NPNT: variants seen among roughly 807,000 people sequenced by gnomAD.
The protein encoded by NPNT is preosteoblast EGF-like repeat protein with MAM domain.
NPNT carries 45 observed loss-of-function variants against 68.6 expected under a neutral mutation model. The observed-to-expected ratio is 0.66, with a 90% CI of 0.52 to 0.84. The LOEUF (loss-of-function observed/expected upper bound fraction) is 0.84. Among genes scored for constraint, NPNT ranks in the 40% least tolerant of loss-of-function variants. The pLI, the probability that NPNT is intolerant of heterozygous loss-of-function variation, is 0.00. For synonymous variants in NPNT, 233 were observed against 253.3 expected (o/e 0.92, Z 0.76); for missense variants, 672 against 714.8 (o/e 0.94, Z 0.68).
chr4:105,914,373 C>A (rs111858907), intron 2 of NPNT, among the ~76,000 whole-genome samples: 38,082 of 120,680 alleles, frequency 0.32, 6,884 homozygotes, highest in African/African-American at 0.51. Flanking sequence ...CTCTCTCTCT[C>A]TATATATATA....
chr4:105,948,194 TA>T (rs1653392849), intron 8 of NPNT, among the ~76,000 whole-genome samples: 1 of 152,204 alleles, frequency 6.6e-6, no homozygotes, highest in Non-Finnish European at 1.5e-5. Flanking sequence ...AATATACTTC[TA>T]AATTTTAAGC....
intron 8 of NPNT, among the ~76,000 whole-genome samples, chr4:105,948,206 A>G (rs1053975686): frequency 2.6e-5 from 4 of 152,250 alleles, no homozygotes; most frequent in Non-Finnish European, 5.9e-5. Context: ...AATTTTAAGC[A>G]TGACACTGAA....
intron 10 of NPNT, among the ~76,000 whole-genome samples, chr4:105,960,063 G>A (rs1731593817): frequency 1.3e-5 from 2 of 152,144 alleles, no homozygotes; most frequent in South Asian, 4.1e-4. Flanking sequence ...GCCCGCCTTG[G>A]CCTCCCAAAG....
In NPNT at chr4:105,940,605, A is replaced by T; in HGVS notation, c.732A>T (p.Glu244Asp). ...IRGSYKCKCK[E>D]GYQGDGLTCV... ...GGTCCTACAAGTGCAAATGTAAAGA[A>T]GGATACCAGGGTGATGGACTGACTT... is the stretch of plus-strand genomic sequence containing the variant. The change falls in exon 7 of 12, where the codon GAA becomes GAT. Residue 244 changes from glutamate (E) to aspartate (D), a missense_variant. Coordinates refer to ENST00000379987, the MANE Select transcript of NPNT (RefSeq NM_001033047.3). The T allele has an allele frequency of 6.2e-7, 1 of 1,613,560 alleles. No homozygotes were observed. Among genetic ancestry groups the T allele is most frequent in the South Asian group, 1.1e-5 (1 of 91,082 alleles).
chr4:105,942,477 T>C lies in NPNT; in HGVS notation c.934T>C (p.Ser312Pro). 1 of 1,613,048 alleles carries C rather than the reference T, an allele frequency of 6.2e-7. No individual in the cohort carries two copies. Among genetic ancestry groups the C allele is most frequent in the East Asian group, 2.2e-5 (1 of 44,816 alleles). ...IPPIITNRPT[S>P]KPTTRPTPKP... The stretch of plus-strand genomic sequence containing the variant: ...TCCTATCATTACCAACAGGCCTACT[T>C]CTAAGCCAACAACAAGACCTACACC... The change falls in exon 8 of 12, where the codon TCT becomes CCT. Residue 312 changes from serine (S) to proline (P), a missense_variant. Physicochemically the swap from Ser to Pro is moderately conservative, Grantham distance 74 (BLOSUM62 -1). Coordinates refer to ENST00000379987, the MANE Select transcript of NPNT (RefSeq NM_001033047.3).
At chr4:105,900,008 A>T (rs1394875104) in intron 2 of NPNT, among the ~76,000 whole-genome samples, 1 of 152,264 alleles carries the variant, frequency 6.6e-6, no homozygotes, top group Admixed American at 6.5e-5. Context: ...TTATGAAATT[A>T]AAAGTTTTGT....
chr4:105,911,835 A>C, intron 2 of NPNT: 1 of 220,740 alleles, frequency 4.5e-6, no homozygotes, highest in Non-Finnish European at 9.0e-6. Flanking sequence ...TTTAAATAAA[A>C]GGATACTGTC....
chr4:105,914,566 A>T (rs1727653173), intron 2 of NPNT, among the ~76,000 whole-genome samples: 1 of 149,024 alleles, frequency 6.7e-6, no homozygotes, highest in Non-Finnish European at 1.5e-5. Flanking sequence ...TAGTAAAATG[A>T]AGCTCTAGGC....
At chr4:105,916,168 A>T (rs1727802542) in intron 2 of NPNT, among the ~76,000 whole-genome samples, 1 of 150,630 alleles carries the variant, frequency 6.6e-6, no homozygotes, top group Non-Finnish European at 1.5e-5. Flanking sequence ...ACCACTCCTA[A>T]CTCTAAGAAA....
At chr4:105,941,336 C>T (rs770273635) in intron 7 of NPNT, among the ~76,000 whole-genome samples, 6 of 151,712 alleles carry the variant, frequency 4.0e-5, no homozygotes, top group Non-Finnish European at 7.4e-5. Context: ...GGCAAGAGAG[C>T]GAGACCTGTC....
intron 4 of NPNT, 25 bp from the exon 5 acceptor site, chr4:105,938,276 A>C (rs776189561): frequency 6.2e-7 from 1 of 1,608,716 alleles, no homozygotes; most frequent in African/African-American, 1.3e-5. Flanking sequence ...TACCTGTCTG[A>C]GTCAGCCAGT....
At chr4:105,900,590 T>G (rs1165797959) in intron 2 of NPNT, among the ~76,000 whole-genome samples, 2 of 152,212 alleles carry the variant, frequency 1.3e-5, no homozygotes, top group African/African-American at 4.8e-5. Context: ...AGACCTCTCC[T>G]TCTGGCTCAC....
At chr4:105,958,605 T>G in intron 9 of NPNT, 48 bp downstream of exon 9, 1 of 1,071,486 alleles carries the variant, frequency 9.3e-7, no homozygotes, top group Non-Finnish European at 1.4e-6. Context: ...TTATTGTTTC[T>G]CTCCATGAAA....
rs752099039 is a variant in NPNT, at chr4:105,958,496, G to C, written c.1185G>C (p.Leu395Phe). 2 of 1,611,606 alleles carry C rather than the reference G, an allele frequency of 1.2e-6. No homozygotes were observed. The highest frequency in any genetic ancestry group is 1.3e-5 in the African/African-American group (1 of 74,920). Residue 395 changes from leucine (L) to phenylalanine (F), a missense_variant, in exon 9 of 12, where the codon TTG becomes TTC. Physicochemically the swap from Leu to Phe is conservative, Grantham distance 22. Coordinates refer to ENST00000379987, the MANE Select transcript of NPNT (RefSeq NM_001033047.3). ...TTCCACGGCAACCTTCAAATGACTT[G>C]TTTGAAATATTTGAAATAGAAAGAG... Reference protein sequence around the residue: ...VFIPRQPSNDLFEIFEIERGV... With the variant: ...VFIPRQPSNDFFEIFEIERGV...
At chr4:105,926,007 C>A (rs902529092) in intron 2 of NPNT, among the ~76,000 whole-genome samples, 1 of 152,182 alleles carries the variant, frequency 6.6e-6, no homozygotes, top group African/African-American at 2.4e-5. Context: ...TCTCACTCTT[C>A]CTCCACCATT....
In NPNT at chr4:105,942,109, G is replaced by A. The variant is rs113244229; in HGVS notation, c.764-198G>A. Among the ~76,000 whole-genome samples the A allele has an allele frequency of 4.3e-4, 4 of 9,366 alleles. No homozygotes were observed. The South Asian group carries it at 0.011, about 25-fold the overall frequency. 6.1% of individuals were successfully genotyped at this position (9,366 alleles called of 152,430 possible). The stretch of plus-strand genomic sequence containing the variant: ...TATGAATATATATGTGTGTGTCTGT[G>A]TGTGTGTATATATATATATATATAT... On this transcript the variant is annotated intron_variant, in intron 7 of 11. Transcript: ENST00000379987.
intron 8 of NPNT, among the ~76,000 whole-genome samples, chr4:105,944,749 ACT>A (rs1730247675): frequency 6.6e-6 from 1 of 152,028 alleles, no homozygotes; most frequent in African/African-American, 2.4e-5. Flanking sequence ...ATTAAATTCC[ACT>A]CTCATTTCAT....
At chr4:105,900,777 T>C (rs1726336763) in intron 2 of NPNT, among the ~76,000 whole-genome samples, 1 of 151,958 alleles carries the variant, frequency 6.6e-6, no homozygotes, top group Admixed American at 6.6e-5. Context: ...GCATGACCCG[T>C]TCCAGAAATA....
At position 105,908,799 on chromosome 4, in the gene NPNT, G is replaced by A. The variant is rs1311941126; in HGVS notation, c.172+10798G>A. 2.6e-5 allele frequency among the ~76,000 whole-genome samples: 4 copies of A among 152,054 alleles called. No individual in the cohort carries two copies. In the East Asian group the frequency reaches 5.8e-4, roughly 22 times the overall value. The stretch of plus-strand genomic sequence containing the variant: ...AGGATGGTCTCGATCTCCTGACCTC[G>A]TGATCTGCCCGCCTCAGCCTTCCAA... On this transcript the variant is annotated intron_variant, in intron 2 of 11. Transcript: ENST00000379987.
Sources: gnomAD v4.1 joint callset for allele counts (sites outside exome capture counted in the v4.1 genomes callset) on GRCh38, gnomAD v4.1.1 for gene constraint, MANE v1.5 for transcripts, NCBI Gene and HGNC (gene_info 2026-07-23, HGNC 2026-07-21) for gene names.